FAM20C: variants seen among roughly 807,000 people sequenced by gnomAD.
FAM20C encodes the protein extracellular serine/threonine protein kinase FAM20C.
In FAM20C, 40 loss-of-function variants were observed where a neutral mutation model predicts 51.5. The ratio of observed to expected loss-of-function variants is 0.78; its 90% CI spans 0.60 to 1.01. The LOEUF is 1.01. Among genes scored for constraint, FAM20C ranks in the 50% least tolerant of loss-of-function variants. The pLI is 0.00. For synonymous variants in FAM20C, 406 were observed against 380.6 expected (o/e 1.07, Z -0.78); for missense variants, 861 against 844.7 (o/e 1.02, Z -0.24).
At position 208,946 on chromosome 7, in the gene FAM20C, A is replaced by G. The variant is rs746686644; in HGVS notation, c.833A>G (p.Asn278Ser). ...CTGAAGCTCATCATGACCTTCCAGA[A>G]TTACGGGCAAGCGCTGTTCAAACCC... Reference protein sequence around the residue: ...TQLKLIMTFQNYGQALFKPMK... With the variant: ...TQLKLIMTFQSYGQALFKPMK... Residue 278 changes from asparagine to serine, a missense_variant, in exon 3 of 10, where the codon AAT becomes AGT. Asn to Ser is a conservative substitution (Grantham distance 46, BLOSUM62 1). Transcript: ENST00000313766. 1.9e-6 allele frequency: 3 copies of G among 1,585,884 alleles called. No individual in the cohort carries two copies. The highest frequency in any genetic ancestry group is 4.6e-5 in the East Asian group (2 of 43,394).
chr7:256,602 G>A (rs546135270), intron 6 of FAM20C, 52 bp from the exon 7 acceptor site: 18 of 1,435,360 alleles, frequency 1.3e-5, no homozygotes, highest in African/African-American at 9.8e-5. Context: ...GGCACGCGCC[G>A]GGCTCCCCAG....
chr7:211,512 A>C (rs1272619821), intron 3 of FAM20C, among the ~76,000 whole-genome samples: 1 of 151,540 alleles, frequency 6.6e-6, no homozygotes, highest in Non-Finnish European at 1.5e-5. Flanking sequence ...CTTAGAGGTC[A>C]GGGGACCTCC....
At position 208,930 on chromosome 7, in the gene FAM20C, A is replaced by G. The variant is rs1002783777; in HGVS notation, c.817A>G (p.Ile273Val). ...GTCGGGGGGCACGCAGCTGAAGCTC[A>G]TCATGACCTTCCAGAATTACGGGCA... is the stretch of plus-strand genomic sequence containing the variant. ...MKSGGTQLKLIMTFQNYGQAL... is the reference protein window; with the variant it reads ...MKSGGTQLKLVMTFQNYGQAL... Residue 273 changes from isoleucine to valine, a missense_variant, in exon 3 of 10, where the codon ATC becomes GTC. Physicochemically the swap from Ile to Val is conservative, Grantham distance 29. Transcript: ENST00000313766. 6.3e-7 allele frequency: 1 copy of G among 1,584,562 alleles called. No individual in the cohort carries two copies. The highest frequency in any genetic ancestry group is 8.6e-7 in the Non-Finnish European group (1 of 1,165,406).
Position 256,693 on chromosome 7 carries a change from G to C in FAM20C, c.1293G>C (p.Gln431His). Residue 431 changes from glutamine to histidine, a missense_variant, in exon 7 of 10, where the codon CAG becomes CAC. Physicochemically the swap from Gln to His is conservative, Grantham distance 24. Around this residue, in one of 3 missense-constraint regions of FAM20C, gnomAD observed 269 missense variants for 283.8 expected, o/e 0.95. Transcript: ENST00000313766. ...VDPDYCEEVK[Q>H]TPPYDSSHRI... is the part of the protein sequence containing the mutation. ...CTGACTACTGCGAGGAGGTGAAGCAGACACCGCCCTACGACAGCAGCCACC... is the reference window on the plus strand; with the variant it reads ...CTGACTACTGCGAGGAGGTGAAGCACACACCGCCCTACGACAGCAGCCACC... The C allele has an allele frequency of 3.9e-6, 6 of 1,536,144 alleles. No homozygotes were observed. In the South Asian group the frequency reaches 7.1e-5, roughly 18 times the overall value.
At position 226,820 on chromosome 7, in the gene FAM20C, G is replaced by A. The variant is rs143163934; in HGVS notation, c.863+17844G>A. ...AGCTAGACATTTCTTTGCTTAATAAGTAAAAGGAAATTATTAACAATTATG... is the reference window on the plus strand; with the variant it reads ...AGCTAGACATTTCTTTGCTTAATAAATAAAAGGAAATTATTAACAATTATG... On this transcript the variant is annotated intron_variant, in intron 3 of 9. Coordinates refer to ENST00000313766, the MANE Select transcript of FAM20C (RefSeq NM_020223.4). 3.9e-3 allele frequency among the ~76,000 whole-genome samples: 587 copies of A among 152,344 alleles called. 6 individuals carry two copies. Among genetic ancestry groups the A allele is most frequent in the African/African-American group, 0.013 (544 of 41,568 alleles).
chr7:223,845 G>C (rs549274921), intron 3 of FAM20C, among the ~76,000 whole-genome samples: 1 of 149,022 alleles, frequency 6.7e-6, no homozygotes, highest in East Asian at 2.0e-4. Context: ...ATGAGCTTTC[G>C]AGAGACTCTA....
intron 3 of FAM20C, among the ~76,000 whole-genome samples, chr7:211,033 A>G (rs531929424): frequency 7.2e-5 from 11 of 152,038 alleles, no homozygotes; most frequent in South Asian, 6.2e-4. Flanking sequence ...GGGTTTAGAG[A>G]AGGAAAGTAG....
At position 223,758 on chromosome 7, in the gene FAM20C, C is replaced by T. The variant is rs866475879; in HGVS notation, c.863+14782C>T. Among the ~76,000 whole-genome samples, 13 of 152,348 alleles carry T rather than the reference C, an allele frequency of 8.5e-5. No individual in the cohort carries two copies. In the South Asian group the frequency reaches 2.3e-3, roughly 27 times the overall value. ...GCCGGCCCCAGGTAGAGGACGTTCA[C>T]GTTGCTTCCAGTTTCCTGGCTTATT... On this transcript the variant is annotated intron_variant, in intron 3 of 9. Coordinates refer to ENST00000313766, the MANE Select transcript of FAM20C (RefSeq NM_020223.4).
At chr7:199,029 C>G (rs1442223455) in intron 2 of FAM20C, among the ~76,000 whole-genome samples, 1 of 152,242 alleles carries the variant, frequency 6.6e-6, no homozygotes, top group Non-Finnish European at 1.5e-5. Context: ...GCCATGGGAG[C>G]TGCTCCATGT....
At chr7:229,993 G>A (rs1787595073) in intron 3 of FAM20C, among the ~76,000 whole-genome samples, 1 of 152,164 alleles carries the variant, frequency 6.6e-6, no homozygotes, top group Non-Finnish European at 1.5e-5. Context: ...ATGGGGTAGG[G>A]GGATGGGGAA....
chr7:192,660 G>T lies in FAM20C; in HGVS notation c.-540G>T, dbSNP rs1259599325. On this transcript the variant is annotated 5_prime_UTR_variant, in exon 1 of 10. Coordinates refer to ENST00000313766, the MANE Select transcript of FAM20C (RefSeq NM_020223.4). ...GCCGCTCCCCGCGCCCACCCCTTCCGCCCTTCGCCCCCCCCTTCCCCCCAG... is the reference window on the plus strand; with the variant it reads ...GCCGCTCCCCGCGCCCACCCCTTCCTCCCTTCGCCCCCCCCTTCCCCCCAG... Among the ~76,000 whole-genome samples the T allele has an allele frequency of 7.6e-6, 1 of 132,410 alleles. No homozygotes were observed. The highest frequency in any genetic ancestry group is 2.7e-5 in the African/African-American group (1 of 36,846). The allele number at this position is 132,410 out of a possible 152,430, so 86.9% of individuals were successfully genotyped here.
chr7:234,736 G>A (rs1226729294), intron 3 of FAM20C, among the ~76,000 whole-genome samples: 8 of 152,118 alleles, frequency 5.3e-5, no homozygotes, highest in South Asian at 4.1e-4. Context: ...TGTCCTTCCC[G>A]CTCTGAGGCT....
In FAM20C at chr7:193,703, G is replaced by T. The variant is rs1167681234; in HGVS notation, c.504G>T (p.Pro168=). 4.5e-6 allele frequency: 7 copies of T among 1,545,700 alleles called. No homozygotes were observed. Among genetic ancestry groups the T allele is most frequent in the Non-Finnish European group, 5.2e-6 (6 of 1,144,906 alleles). ...ASLLARLFEH[P]LYRVAVPPLT... is the part of the protein sequence containing the mutation. Reference sequence around the variant, plus strand: ...TCCTGGCCAGGCTGTTCGAGCACCCGCTTTACCGGGTGGCGGTTCCGCCGC... The same window carrying T: ...TCCTGGCCAGGCTGTTCGAGCACCCTCTTTACCGGGTGGCGGTTCCGCCGC... The change falls in exon 1 of 10, where the codon CCG becomes CCT. Residue 168 remains proline, a synonymous_variant. Coordinates refer to ENST00000313766, the MANE Select transcript of FAM20C (RefSeq NM_020223.4).
chr7:194,102 T>TG, intron 1 of FAM20C: 1 of 379,342 alleles, frequency 2.6e-6, no homozygotes, highest in Non-Finnish European at 4.7e-6. Context: ...GCTTGGGAAA[T>TG]GGGGTCAGGC....
intron 2 of FAM20C, among the ~76,000 whole-genome samples, chr7:201,875 TAATG>T (rs985315866): frequency 1.3e-5 from 2 of 152,164 alleles, no homozygotes; most frequent in African/African-American, 2.4e-5. Flanking sequence ...CAACATGAAA[TAATG>T]AAGGCACAGG....
Position 200,278 on chromosome 7 carries a change from G to A in FAM20C, c.784+4546G>A, listed in dbSNP as rs889817440. ...AGGTCACGGTCCCAGGGCCTCGCTC[G>A]GCCGGCCTAGAGAGAGAAAAGGGAA... On this transcript the variant is annotated intron_variant, in intron 2 of 9. Transcript: ENST00000313766. 6.4e-5 allele frequency among the ~76,000 whole-genome samples: 9 copies of A among 139,832 alleles called. No individual in the cohort carries two copies. In the East Asian group the frequency reaches 6.9e-4, roughly 11 times the overall value. The allele number at this position is 139,832 out of a possible 152,430, so 91.7% of individuals were successfully genotyped here. A position where few individuals can be genotyped will look rare whatever the true frequency, so the allele number is the denominator to read the frequency against.
chr7:195,348 T>C, intron 1 of FAM20C: 1 of 452,504 alleles, frequency 2.2e-6, no homozygotes, highest in Non-Finnish European at 3.9e-6. Context: ...ATTACAGGCC[T>C]TTCACCGTGT....
chr7:206,562 G>A (rs772393465), intron 2 of FAM20C, among the ~76,000 whole-genome samples: 1 of 34,768 alleles, frequency 2.9e-5, no homozygotes, highest in Admixed American at 2.6e-4. Context: ...GTGACGCGTC[G>A]GTCACTGTCC....
At chr7:207,186 C>T (rs187197522) in intron 2 of FAM20C, among the ~76,000 whole-genome samples, 1 of 13,088 alleles carries the variant, frequency 7.6e-5, no homozygotes, top group Non-Finnish European at 1.6e-4. Context: ...GCGTCGGTCA[C>T]GGTCCCCTCG....
Sources: gnomAD v4.1 joint callset for allele counts (sites outside exome capture counted in the v4.1 genomes callset) on GRCh38, gnomAD v4.1.1 for gene constraint, gnomAD v4.1.1 regional missense constraint, MANE v1.5 for transcripts, NCBI Gene and HGNC (gene_info 2026-07-23, HGNC 2026-07-21) for gene names.